Variants in NGEF observed in about 807,000 individuals in gnomAD.
NGEF encodes neuronal guanine nucleotide exchange factor.
A neutral mutation model predicts 80.9 loss-of-function variants in NGEF; 31 were observed. The ratio of observed to expected loss-of-function variants is 0.38; its 90% CI spans 0.29 to 0.52. The LOEUF (loss-of-function observed/expected upper bound fraction) is 0.52. Among genes scored for constraint, NGEF ranks in the 20% least tolerant of loss-of-function variants. The probability of loss-of-function intolerance (pLI) is 0.84; values close to 1 mark genes in which losing one functional copy is unlikely to be tolerated. For synonymous variants in NGEF, 371 were observed against 370.2 expected (o/e 1.00, Z -0.03); for missense variants, 709 against 926.2 (o/e 0.77, Z 3.04).
At chr2:232,900,597 T>G (rs1452755491) in intron 5 of NGEF, among the ~76,000 whole-genome samples, 2 of 76,376 alleles carry the variant, frequency 2.6e-5, no homozygotes, top group African/African-American at 5.6e-5. Context: ...GTCACTCATA[T>G]ACACGTTCAC....
At chr2:232,947,818 C>A (rs879826717) in intron 3 of NGEF, among the ~76,000 whole-genome samples, 3 of 152,074 alleles carry the variant, frequency 2.0e-5, no homozygotes, top group Non-Finnish European at 2.9e-5. Flanking sequence ...AGATAAGAGG[C>A]CTGTATTTTT....
At chr2:232,987,328 T>C (rs1694554145) in intron 1 of NGEF, among the ~76,000 whole-genome samples, 1 of 152,230 alleles carries the variant, frequency 6.6e-6, no homozygotes, top group Admixed American at 6.5e-5. Context: ...AGAGCAGGAC[T>C]TTTTTGATGT....
chr2:232,927,293 T>G (rs1693093827), intron 3 of NGEF, 107 bp from the exon 4 acceptor site: 16 of 1,241,198 alleles, frequency 1.3e-5, no homozygotes, highest in African/African-American at 4.6e-5. Context: ...AGCCGGACCT[T>G]ACCCGGGACC....
intron 1 of NGEF, among the ~76,000 whole-genome samples, chr2:233,010,046 C>T (rs1365454729): frequency 2.0e-5 from 3 of 152,172 alleles, no homozygotes; most frequent in African/African-American, 7.2e-5. Context: ...TACAGGGGTC[C>T]ACCACCATGC....
intron 1 of NGEF, among the ~76,000 whole-genome samples, chr2:232,998,964 C>G (rs897975236): frequency 6.6e-6 from 1 of 152,160 alleles, no homozygotes; most frequent in African/African-American, 2.4e-5. Context: ...AGCATAACTG[C>G]GTGCCACACT....
chr2:232,882,196 G>C lies in NGEF; in HGVS notation c.1827C>G (p.Ser609=). Residue 609 remains serine, a synonymous_variant, in exon 13 of 15, where the codon TCC becomes TCG. Coordinates refer to ENST00000264051, the MANE Select transcript of NGEF (RefSeq NM_019850.3). Reference sequence around the variant, plus strand: ...CCACCGGTGACTTACCCAGCAGCCGGGATGTGAACGAAACAAACTTGGTCC... The same window carrying C: ...CCACCGGTGACTTACCCAGCAGCCGCGATGTGAACGAAACAAACTTGGTCC... The part of the protein sequence containing the change: ...NRRTKFVSFT[S]RLLDCPQVQC... 6.2e-7 allele frequency: 1 copy of C among 1,613,666 alleles called. No individual in the cohort carries two copies. Among genetic ancestry groups the C allele is most frequent in the Non-Finnish European group, 8.5e-7 (1 of 1,179,900 alleles).
In NGEF at chr2:232,885,376, C is replaced by A; in HGVS notation, c.1348-7G>T. On this transcript the variant is annotated splice_polypyrimidine_tract_variant and splice_region_variant and intron_variant, in intron 9 of 14. Transcript: ENST00000264051. ...CGTTGCATGCCTTCACCACCTGGGACAAGAAGGAGGGCACATCAGGCCACC... is the reference window on the plus strand; with the variant it reads ...CGTTGCATGCCTTCACCACCTGGGAAAAGAAGGAGGGCACATCAGGCCACC... The A allele has an allele frequency of 2.5e-6, 4 of 1,613,444 alleles. No individual in the cohort carries two copies. The highest frequency in any genetic ancestry group is 3.4e-6 in the Non-Finnish European group (4 of 1,179,464).
intron 5 of NGEF, among the ~76,000 whole-genome samples, chr2:232,899,708 GCT>G (rs1460110561): frequency 1.8e-4 from 8 of 44,670 alleles, no homozygotes; most frequent in South Asian, 6.5e-4. Context: ...ACTCACACAC[GCT>G]CTCAGTCACT....
At chr2:232,899,983 CAT>C (rs1333657266) in intron 5 of NGEF, among the ~76,000 whole-genome samples, 1 of 108,556 alleles carries the variant, frequency 9.2e-6, no homozygotes, top group Non-Finnish European at 1.9e-5. Flanking sequence ...CACATTCACT[CAT>C]TCACTCACAC....
rs72980045 is a variant in NGEF at position 233,004,933 on chromosome 2, A to C, written c.-75+8135T>G. ...CCACTGTGCAATATATCCATGTAACAAAACTGCACTCGTGCCCCCTAAATT... is the reference window on the plus strand; with the variant it reads ...CCACTGTGCAATATATCCATGTAACCAAACTGCACTCGTGCCCCCTAAATT... On this transcript the variant is annotated intron_variant, in intron 1 of 14. Transcript: ENST00000264051. 5.7e-3 allele frequency among the ~76,000 whole-genome samples: 861 copies of C among 152,290 alleles called. 4 individuals carry two copies. The highest frequency in any genetic ancestry group is 0.01 in the Middle Eastern group (3 of 294).
intron 3 of NGEF, among the ~76,000 whole-genome samples, chr2:232,954,461 C>T (rs998483306): frequency 6.6e-6 from 1 of 152,102 alleles, no homozygotes; most frequent in Non-Finnish European, 1.5e-5. Context: ...CGCAGTGGCT[C>T]ACACCTGTAA....
Position 232,889,748 on chromosome 2 carries a change from T to C in NGEF, c.1272+1610A>G, listed in dbSNP as rs571964722. On this transcript the variant is annotated intron_variant, in intron 8 of 14. Coordinates refer to ENST00000264051, the MANE Select transcript of NGEF (RefSeq NM_019850.3). ...TCTCCATTAGCCCTGGGCCAGGGGC[T>C]TCTCCTGACAACTGCTTCCTTGGCC... Among the ~76,000 whole-genome samples the C allele has an allele frequency of 5.9e-5, 9 of 152,302 alleles. 1 individual carries two copies. The South Asian group carries it at 1.7e-3, about 28-fold the overall frequency.
rs141644651 is a variant in NGEF, at chr2:232,943,544, G to A, written c.384-16358C>T. Among the ~76,000 whole-genome samples, 1,020 of 123,836 alleles carry A rather than the reference G, an allele frequency of 8.2e-3. 8 individuals are homozygous for A. Among genetic ancestry groups the A allele is most frequent in the Middle Eastern group, 0.025 (5 of 200 alleles). The allele number at this position is 123,836 out of a possible 152,430, so 81.2% of individuals were successfully genotyped here. ...GGAGTCTCACTCTGTCGCCCAGGCT[G>A]GAGTGCAGTGGCGCGATCTCGGCTC... On this transcript the variant is annotated intron_variant, in intron 3 of 14. Transcript: ENST00000264051.
At chr2:232,905,200 T>C (rs1291414485) in intron 5 of NGEF, among the ~76,000 whole-genome samples, 3 of 152,020 alleles carry the variant, frequency 2.0e-5, no homozygotes, top group African/African-American at 7.2e-5. Context: ...GCAACCTCCC[T>C]GCCTGATTGT....
At chr2:232,901,143 C>T (rs73995716) in intron 5 of NGEF, among the ~76,000 whole-genome samples, 11,450 of 152,236 alleles carry the variant, frequency 0.075, 446 homozygotes, top group African/African-American at 0.086. Flanking sequence ...CAAAGAGCGA[C>T]GGGCTTTTAC....
chr2:232,972,253 A>C (rs1010469408), intron 2 of NGEF, among the ~76,000 whole-genome samples: 34 of 152,332 alleles, frequency 2.2e-4, no homozygotes, highest in Non-Finnish European at 4.6e-4. Context: ...TAAAATACTC[A>C]ACAGATTTCA....
chr2:232,969,470 CTTCT>C (rs1694139960), intron 3 of NGEF, among the ~76,000 whole-genome samples: 1 of 93,944 alleles, frequency 1.1e-5, no homozygotes, highest in Non-Finnish European at 1.9e-5. Flanking sequence ...TCCTTCCTTC[CTTCT>C]TCCTTCCTTC....
Position 232,942,604 on chromosome 2 carries a change from G to A in NGEF, c.384-15418C>T, listed in dbSNP as rs375383628. On this transcript the variant is annotated intron_variant, in intron 3 of 14. Transcript: ENST00000264051. The stretch of plus-strand genomic sequence containing the variant: ...TGTAAATGGGAATGCTCTGAGAGCT[G>A]TCCAACTCACGCCTGTAATCCCAAC... Among the ~76,000 whole-genome samples the A allele has an allele frequency of 3.1e-4, 47 of 152,258 alleles. 1 individual carries two copies. In the East Asian group the frequency reaches 4.3e-3, roughly 14 times the overall value.
intron 2 of NGEF, among the ~76,000 whole-genome samples, chr2:232,973,632 A>T (rs1559230803): frequency 6.6e-6 from 1 of 152,162 alleles, no homozygotes; most frequent in Non-Finnish European, 1.5e-5. Flanking sequence ...GACCACGTGG[A>T]GCAGAGGCAG....
Sources: gnomAD v4.1 joint callset for allele counts (sites outside exome capture counted in the v4.1 genomes callset) on GRCh38, gnomAD v4.1.1 for gene constraint, MANE v1.5 for transcripts, NCBI Gene and HGNC (gene_info 2026-07-23, HGNC 2026-07-21) for gene names.